The following CLTB variants were observed in gnomAD, a reference collection of about 807,000 sequenced individuals.
CLTB encodes the protein clathrin, light chain (Lcb).
CLTB carries 10 observed loss-of-function variants against 30.5 expected under a neutral mutation model. The ratio of observed to expected loss-of-function variants is 0.33; its 90% CI spans 0.20 to 0.56. The LOEUF is 0.56. Ranked by LOEUF, CLTB falls within the 20% of genes least tolerant of loss-of-function variation. CLTB has a pLI of 0.91. For missense variants in CLTB, 261 were observed against 308.3 expected, an observed-to-expected ratio of 0.85 and a Z score of 1.15; for synonymous variants, 102 against 120.3, an observed-to-expected ratio of 0.85 and a Z score of 1.00.
At chr5:176,402,805 T>A (rs572884590) in intron 2 of CLTB, among the ~76,000 whole-genome samples, 1 of 151,978 alleles carries the variant, frequency 6.6e-6, no homozygotes, top group Non-Finnish European at 1.5e-5. Flanking sequence ...ACAGTTCAGA[T>A]AAAGAGAGTG....
At chr5:176,399,032 C>T (rs1438847462) in intron 2 of CLTB, among the ~76,000 whole-genome samples, 2 of 151,968 alleles carry the variant, frequency 1.3e-5, no homozygotes, top group South Asian at 2.1e-4. Flanking sequence ...TTAGTAGAGA[C>T]GGGGTTTCTC....
chr5:176,392,766 G>T lies in CLTB; in HGVS notation c.*8C>A, dbSNP rs749466092. The T allele has an allele frequency of 2.4e-5, 39 of 1,613,486 alleles. No homozygotes were observed. Among genetic ancestry groups the T allele is most frequent in the Non-Finnish European group, 3.2e-5 (38 of 1,179,910 alleles). On this transcript the variant is annotated 3_prime_UTR_variant, in exon 6 of 6. Coordinates refer to ENST00000310418, the MANE Select transcript of CLTB (RefSeq NM_007097.5). The surrounding 1 kb of genome is among the most constrained non-coding windows in gnomAD (Gnocchi z 5.2). ...CCCATGCTCTGTGGCCATGCACCTAGCAGGCACCTAGCGGGACAGTGGCGT... is the reference window on the plus strand; with the variant it reads ...CCCATGCTCTGTGGCCATGCACCTATCAGGCACCTAGCGGGACAGTGGCGT...
intron 2 of CLTB, chr5:176,407,594 G>C (rs903176972): frequency 6.6e-6 from 1 of 152,350 alleles, no homozygotes; most frequent in African/African-American, 2.4e-5. Flanking sequence ...GAGCCACTGT[G>C]CCCGGCCATG....
At chr5:176,399,305 T>A (rs1220010970) in intron 2 of CLTB, among the ~76,000 whole-genome samples, 1 of 152,212 alleles carries the variant, frequency 6.6e-6, no homozygotes, top group African/African-American at 2.4e-5. Context: ...ATATGCAGCA[T>A]GATCATAGCT....
At chr5:176,401,427 T>C (rs1317398451) in intron 2 of CLTB, among the ~76,000 whole-genome samples, 1 of 152,230 alleles carries the variant, frequency 6.6e-6, no homozygotes, top group African/African-American at 2.4e-5. Flanking sequence ...CTGAGCCCTT[T>C]CTCTGTGCCA....
In CLTB at chr5:176,400,229, A is replaced by G. The variant is rs138900886; in HGVS notation, c.235-2182T>C. 5.5e-3 allele frequency among the ~76,000 whole-genome samples: 838 copies of G among 152,084 alleles called. 18 individuals are homozygous for G. Among genetic ancestry groups the G allele is most frequent in the Admixed American group, 0.037 (572 of 15,264 alleles). ...AAAAAGAAAGAAAGAAAGAAAGAAA[A>G]AAAGGAATAATATTAAGAACACCTC... On this transcript the variant is annotated intron_variant, in intron 2 of 5. Transcript: ENST00000310418.
intron 1 of CLTB, among the ~76,000 whole-genome samples, chr5:176,412,193 A>AG (rs1757478420): frequency 6.6e-6 from 1 of 150,960 alleles, no homozygotes; most frequent in African/African-American, 2.4e-5. Flanking sequence ...AAAAAAAAAA[A>AG]GAATGCTTTT....
chr5:176,406,798 C>T (rs937030351), intron 2 of CLTB: 6 of 1,033,580 alleles, frequency 5.8e-6, no homozygotes, highest in African/African-American at 3.4e-5. Context: ...TTCTCCTCCC[C>T]CTGCAGGTGC....
Position 176,397,704 on chromosome 5 carries a change from C to G in CLTB, c.367G>C (p.Val123Leu). 6 of 1,613,974 alleles carry G rather than the reference C, an allele frequency of 3.7e-6. No individual in the cohort carries two copies. Among genetic ancestry groups the G allele is most frequent in the Non-Finnish European group, 5.1e-6 (6 of 1,179,946 alleles). ...RLQELDAASK[V>L]TEQEWREKAK... ...TTCTCCCGCCATTCCTGTTCCGTGA[C>G]CTTAGATGCAGCATCTAGGACCCCA... Residue 123 changes from valine to leucine, a missense_variant, in exon 4 of 6, where the codon GTC becomes CTC. Around this residue, in one of 3 missense-constraint regions of CLTB, gnomAD observed 123 missense variants for 157.0 expected, o/e 0.78. Transcript: ENST00000310418.
intron 2 of CLTB, chr5:176,401,972 C>T (rs906916195): frequency 4.5e-5 from 15 of 334,850 alleles, no homozygotes; most frequent in Non-Finnish European, 7.7e-5. Flanking sequence ...ATGACCTATT[C>T]GGAGTCTAAA....
intron 1 of CLTB, among the ~76,000 whole-genome samples, chr5:176,410,881 G>C (rs945057172): frequency 1.3e-5 from 2 of 152,192 alleles, no homozygotes; most frequent in Non-Finnish European, 2.9e-5. Context: ...AAGGAATTAA[G>C]TTTGCCCTCA....
At chr5:176,401,844 G>A in intron 2 of CLTB, 1 of 449,484 alleles carries the variant, frequency 2.2e-6, no homozygotes, top group Admixed American at 2.4e-5. Flanking sequence ...CCCCGTGCAA[G>A]TCATCAGCAG....
rs866998714 is a variant in CLTB at position 176,412,092 on chromosome 5, T to C, written c.188-1789A>G. ...TCGGGAGGCTGAGGCAGGAGAATGG[T>C]GTGAACCCGGGAGGCGGAGCTTGCA... On this transcript the variant is annotated intron_variant, in intron 1 of 5. Coordinates refer to ENST00000310418, the MANE Select transcript of CLTB (RefSeq NM_007097.5). Among the ~76,000 whole-genome samples, 715 of 148,086 alleles carry C rather than the reference T, an allele frequency of 4.8e-3. 5 individuals are homozygous for C. The highest frequency in any genetic ancestry group is 9.1e-3 in the African/African-American group (362 of 40,000).
At chr5:176,399,363 C>T (rs969167540) in intron 2 of CLTB, among the ~76,000 whole-genome samples, 2 of 152,202 alleles carry the variant, frequency 1.3e-5, no homozygotes, top group African/African-American at 2.4e-5. Flanking sequence ...CAGGCTGTCT[C>T]GGTTCAGATG....
intron 2 of CLTB, among the ~76,000 whole-genome samples, chr5:176,406,001 G>A (rs1277848518): frequency 2.6e-5 from 4 of 152,100 alleles, no homozygotes; most frequent in African/African-American, 4.8e-5. Flanking sequence ...CCATGACCAG[G>A]AGAGCACAGT....
chr5:176,404,371 G>C (rs923567593), intron 2 of CLTB, among the ~76,000 whole-genome samples: 2 of 152,246 alleles, frequency 1.3e-5, no homozygotes, highest in African/African-American at 2.4e-5. Flanking sequence ...TGTGAGAAGC[G>C]TCCGGGGCTG....
At chr5:176,398,467 T>C (rs1756659240) in intron 2 of CLTB, among the ~76,000 whole-genome samples, 1 of 152,042 alleles carries the variant, frequency 6.6e-6, no homozygotes, top group South Asian at 2.1e-4. Context: ...ATCCCAACAC[T>C]TTGGGAGGCC....
chr5:176,392,616 G>T lies in CLTB; in HGVS notation c.*158C>A, dbSNP rs765127770. 1 of 750,118 alleles carries T rather than the reference G, an allele frequency of 1.3e-6. No individual in the cohort carries two copies. The highest frequency in any genetic ancestry group is 1.8e-5 in the South Asian group (1 of 57,124). 46.5% of individuals were successfully genotyped at this position (750,118 alleles called of 1,614,324 possible). A position where few individuals can be genotyped will look rare whatever the true frequency, so the allele number is the denominator to read the frequency against. ...CCAGAGGGCCAGGAGGGAGCGAGGC[G>T]TGATGGGGTGAGGGCCCCCCTCCCA... On this transcript the variant is annotated 3_prime_UTR_variant, in exon 6 of 6. Coordinates refer to ENST00000310418, the MANE Select transcript of CLTB (RefSeq NM_007097.5). This position sits in a 1 kb window ranked among gnomAD's most constrained non-coding sequence, Gnocchi z 5.2.
chr5:176,404,374 CG>C (rs1208479569), intron 2 of CLTB, among the ~76,000 whole-genome samples: 1 of 152,216 alleles, frequency 6.6e-6, no homozygotes, highest in African/African-American at 2.4e-5. Context: ...GAGAAGCGTC[CG>C]GGGCTGCAGA....
Sources: allele counts gnomAD v4.1 joint callset (sites outside exome capture counted in the v4.1 genomes callset), GRCh38; gene constraint gnomAD v4.1.1; regional missense constraint gnomAD v4.1.1; non-coding constraint Gnocchi (gnomAD v3.1); transcripts MANE v1.5; gene names NCBI Gene and HGNC (gene_info 2026-07-23, HGNC 2026-07-21).